The following SCAF8 variants were observed in gnomAD, a reference collection of about 807,000 sequenced individuals.
SCAF8 encodes SR-related and CTD-associated factor 8.
Under a neutral mutation model 140.5 loss-of-function variants are expected in SCAF8, and 23 were observed. That is an observed-to-expected ratio of 0.16 (90% confidence interval 0.12 to 0.23). The LOEUF (loss-of-function observed/expected upper bound fraction) is 0.23. SCAF8 is among the 10% of genes least tolerant of loss of function. The probability of loss-of-function intolerance (pLI) is 1.00; values close to 1 mark genes in which losing one functional copy is unlikely to be tolerated. For synonymous variants in SCAF8, 575 were observed against 528.9 expected (o/e 1.09, Z -1.20); for missense variants, 1,397 against 1,555.7 (o/e 0.90, Z 1.72).
intron 1 of SCAF8, among the ~76,000 whole-genome samples, chr6:154,736,503 C>G (rs1404648284): frequency 6.6e-6 from 1 of 151,938 alleles, no homozygotes; most frequent in Non-Finnish European, 1.5e-5. Flanking sequence ...AACTCCTGAC[C>G]TCAGGTGATC....
chr6:154,831,210 C>A, intron 19 of SCAF8, 70 bp downstream of exon 19: 1 of 948,552 alleles, frequency 1.1e-6, no homozygotes, highest in Non-Finnish European at 1.5e-6. Context: ...TCTGGGGTGG[C>A]ATGCGTTTGT....
rs189972492 is a variant in SCAF8 at position 154,822,437 on chromosome 6, T to C, written c.1926+28T>C. On this transcript the variant is annotated intron_variant, in intron 16 of 19. Coordinates refer to ENST00000367178, the MANE Select transcript of SCAF8 (RefSeq NM_014892.5). The stretch of plus-strand genomic sequence containing the variant: ...TAGTGTTGAAGTGGGGTTTTTTTTT[T>C]CTTGTGTTGTTTTACATTTCTGTTT... The C allele has an allele frequency of 3.7e-5, 58 of 1,574,032 alleles. No individual in the cohort carries two copies. The Admixed American group carries it at 8.9e-4, about 24-fold the overall frequency.
At chr6:154,743,205 G>A (rs1778616117) in intron 1 of SCAF8, among the ~76,000 whole-genome samples, 1 of 152,186 alleles carries the variant, frequency 6.6e-6, no homozygotes, top group Non-Finnish European at 1.5e-5. Context: ...CCTGTCCACT[G>A]TTCAAAATAG....
intron 1 of SCAF8, among the ~76,000 whole-genome samples, chr6:154,743,043 T>TTTTGTCTCA (rs1778611528): frequency 6.6e-6 from 1 of 152,198 alleles, no homozygotes; most frequent in Non-Finnish European, 1.5e-5. Context: ...ATTCTTTTCC[T>TTTTGTCTCA]TTTGTCTCAT....
At chr6:154,764,202 A>G (rs568870552) in intron 1 of SCAF8, among the ~76,000 whole-genome samples, 1 of 152,336 alleles carries the variant, frequency 6.6e-6, no homozygotes, top group Admixed American at 6.5e-5. Flanking sequence ...TTTAATGTAC[A>G]TGATGGGAGT....
At chr6:154,739,664 CT>C (rs1778518108) in intron 1 of SCAF8, among the ~76,000 whole-genome samples, 1 of 152,060 alleles carries the variant, frequency 6.6e-6, no homozygotes, top group South Asian at 2.1e-4. Flanking sequence ...CTTTGGGATC[CT>C]TTTGGATAGA....
intron 8 of SCAF8, among the ~76,000 whole-genome samples, chr6:154,804,173 A>C (rs983255008): frequency 1.3e-5 from 2 of 152,120 alleles, no homozygotes; most frequent in African/African-American, 4.8e-5. Flanking sequence ...TGGAGGAGGC[A>C]GGGGTAGAAG....
At chr6:154,766,979 A>C (rs1025341084) in intron 1 of SCAF8, among the ~76,000 whole-genome samples, 1 of 152,010 alleles carries the variant, frequency 6.6e-6, no homozygotes, top group African/African-American at 2.4e-5. Context: ...GAATTAAGAG[A>C]TGTCTCGTTT....
intron 4 of SCAF8, among the ~76,000 whole-genome samples, chr6:154,789,589 A>G (rs1777353735): frequency 7.3e-6 from 1 of 137,582 alleles, no homozygotes; most frequent in Non-Finnish European, 1.5e-5. Context: ...TCTTTCACCC[A>G]GGCTGGAGTG....
At chr6:154,808,047 G>GTGTT (rs1402853774) in intron 9 of SCAF8, 23 bp from the exon 10 acceptor site, 4 of 1,586,722 alleles carry the variant, frequency 2.5e-6, no homozygotes, top group Middle Eastern at 1.7e-4. Context: ...CAATCTTTGT[G>GTGTT]TGTTTGTATA....
chr6:154,815,686 T>A, intron 12 of SCAF8, 30 bp from the exon 13 acceptor site: 6 of 1,257,056 alleles, frequency 4.8e-6, no homozygotes, highest in Non-Finnish European at 7.0e-6. Context: ...TCTAAATGAT[T>A]TAGGTCATTT....
At chr6:154,822,015 G>T in intron 15 of SCAF8, 1 of 301,516 alleles carries the variant, frequency 3.3e-6, no homozygotes, top group Non-Finnish European at 6.1e-6. Context: ...CATATCTATT[G>T]TATCTCTTCT....
intron 3 of SCAF8, among the ~76,000 whole-genome samples, chr6:154,786,087 C>T (rs1187971546): frequency 6.6e-6 from 1 of 152,182 alleles, no homozygotes; most frequent in Non-Finnish European, 1.5e-5. Flanking sequence ...TCACGCAAAG[C>T]CGGCTGTGCA....
chr6:154,808,701 G>A lies in SCAF8; in HGVS notation c.1129G>A (p.Glu377Lys). The change falls in exon 11 of 20, where the codon GAA (glutamate) becomes AAA (lysine). Residue 377 changes from glutamate to lysine, a missense_variant. This residue lies in a region of SCAF8 where 339 missense variants were observed against 407.5 expected (regional missense o/e 0.83). Coordinates refer to ENST00000367178, the MANE Select transcript of SCAF8 (RefSeq NM_014892.5). ...DIQQQDMDIDEGQDGVEEEVF... is the reference protein window; with the variant it reads ...DIQQQDMDIDKGQDGVEEEVF... ...GACTTTCAAGGATATGGATATAGAT[G>A]AAGGGCAAGATGGAGTGGAAGAGGA... 1 of 1,611,674 alleles carries A rather than the reference G, an allele frequency of 6.2e-7. No homozygotes were observed. Among genetic ancestry groups the A allele is most frequent in the Non-Finnish European group, 8.5e-7 (1 of 1,177,844 alleles).
At chr6:154,809,227 A>G (rs187162863) in intron 11 of SCAF8, among the ~76,000 whole-genome samples, 2 of 152,282 alleles carry the variant, frequency 1.3e-5, no homozygotes, top group East Asian at 3.9e-4. Context: ...CCGTTAGGAA[A>G]CAGTTTTCTT....
intron 7 of SCAF8, among the ~76,000 whole-genome samples, chr6:154,803,013 G>A (rs1039059080): frequency 6.6e-6 from 1 of 152,056 alleles, no homozygotes; most frequent in African/African-American, 2.4e-5. Context: ...TGGAAGTGGT[G>A]TTCATATTTT....
chr6:154,781,082 T>G (rs1482793072), intron 3 of SCAF8, among the ~76,000 whole-genome samples: 3 of 152,084 alleles, frequency 2.0e-5, no homozygotes, highest in African/African-American at 7.2e-5. Context: ...GTGTGAGAGT[T>G]TATCTCGTTG....
rs749869672 is a variant in SCAF8, at chr6:154,830,915, T to TAA, written c.2141-5_2141-4dup. ...ATCTGAAATATATTTTTCTCCTCTT[T>TAA]AAACAGCTTTAGTGCAGCCGTCATT... On this transcript the variant is annotated splice_polypyrimidine_tract_variant and splice_region_variant and intron_variant, in intron 18 of 19. Coordinates refer to ENST00000367178, the MANE Select transcript of SCAF8 (RefSeq NM_014892.5). The TAA allele has an allele frequency of 6.2e-7, 1 of 1,610,788 alleles. No homozygotes were observed. Among genetic ancestry groups the TAA allele is most frequent in the East Asian group, 2.2e-5 (1 of 44,850 alleles).
chr6:154,824,187 G>T (rs748484779), intron 16 of SCAF8, 47 bp from the exon 17 acceptor site: 1 of 1,589,994 alleles, frequency 6.3e-7, no homozygotes, highest in Middle Eastern at 1.7e-4. Context: ...GTTCCAAGAT[G>T]CAGGTGAATA....
Sources: allele counts gnomAD v4.1 joint callset (sites outside exome capture counted in the v4.1 genomes callset), GRCh38; gene constraint gnomAD v4.1.1; regional missense constraint gnomAD v4.1.1; transcripts MANE v1.5; gene names NCBI Gene and HGNC (gene_info 2026-07-23, HGNC 2026-07-21).